The following EEFSEC variants were observed in gnomAD, a reference collection of about 807,000 sequenced individuals.
EEFSEC encodes eukaryotic elongation factor, selenocysteine-tRNA specific.
A neutral mutation model predicts 42.1 loss-of-function variants in EEFSEC; 43 were observed. That is an observed-to-expected ratio of 1.02 (90% CI 0.80 to 1.32). The LOEUF is 1.32. EEFSEC is among the 40% of genes most tolerant of loss of function. The pLI is 0.00. For synonymous variants in EEFSEC, 354 were observed against 339.1 expected (o/e 1.04, Z -0.48); for missense variants, 745 against 803.6 (o/e 0.93, Z 0.88).
chr3:128,374,450 G>C (rs529023178), intron 6 of EEFSEC, among the ~76,000 whole-genome samples: 1 of 152,222 alleles, frequency 6.6e-6, no homozygotes, highest in South Asian at 2.1e-4. Flanking sequence ...ATCAACCTTT[G>C]AGTGTGGGCC....
At chr3:128,367,086 C>T (rs1368965357) in intron 6 of EEFSEC, among the ~76,000 whole-genome samples, 1 of 152,170 alleles carries the variant, frequency 6.6e-6, no homozygotes, top group Non-Finnish European at 1.5e-5. Context: ...TGTCTGTGTC[C>T]CAACCTCTAT....
rs1465492780 is a variant in EEFSEC at position 128,262,159 on chromosome 3, G to T, written c.556G>T (p.Ala186Ser). 1 of 1,614,140 alleles carries T rather than the reference G, an allele frequency of 6.2e-7. No individual in the cohort carries two copies. Among genetic ancestry groups the T allele is most frequent in the South Asian group, 1.1e-5 (1 of 91,076 alleles). The change falls in exon 3 of 7, where the codon GCC (alanine) becomes TCC (serine). Residue 186 changes from alanine to serine, a missense_variant. By Grantham distance (99) the Ala-to-Ser change is moderately conservative (BLOSUM62 1). Transcript: ENST00000254730. ...FRGAPIIPVA[A>S]KPGGPEAPET... ...AGGTGCACCGATTATACCCGTGGCG[G>T]CCAAGCCGGGGGGACCAGAGGCCCC... is the stretch of plus-strand genomic sequence containing the variant.
intron 5 of EEFSEC, among the ~76,000 whole-genome samples, chr3:128,355,293 T>C (rs1347415887): frequency 6.6e-6 from 1 of 152,022 alleles, no homozygotes; most frequent in Non-Finnish European, 1.5e-5. Flanking sequence ...GCCTCAGTCC[T>C]GGGGGCCAAG....
rs998372279 is a variant in EEFSEC, at chr3:128,386,771, C to A, written c.1601-21298C>A. 5.9e-5 allele frequency among the ~76,000 whole-genome samples: 9 copies of A among 152,092 alleles called. 1 individual carries two copies. The highest frequency in any genetic ancestry group is 6.3e-3 in the Middle Eastern group (2 of 316). Reference sequence around the variant, plus strand: ...GGAGCAAGAGAGTGAGGAGGAGGTGCCAGGCTCCTTTAAACAACCGGCTCT... The same window carrying A: ...GGAGCAAGAGAGTGAGGAGGAGGTGACAGGCTCCTTTAAACAACCGGCTCT... On this transcript the variant is annotated intron_variant, in intron 6 of 6. Transcript: ENST00000254730.
chr3:128,213,313 C>A (rs374772549), intron 1 of EEFSEC, among the ~76,000 whole-genome samples: 1 of 152,138 alleles, frequency 6.6e-6, no homozygotes, highest in African/African-American at 2.4e-5. Context: ...TTAGCTGTGA[C>A]GGGAAGAAAG....
chr3:128,383,833 C>G (rs2067806928), intron 6 of EEFSEC, among the ~76,000 whole-genome samples: 1 of 152,226 alleles, frequency 6.6e-6, no homozygotes, highest in South Asian at 2.1e-4. Context: ...GTAAAAGCAG[C>G]AGCACATGAG....
intron 1 of EEFSEC, among the ~76,000 whole-genome samples, chr3:128,168,964 C>T (rs1230350370): frequency 6.6e-6 from 1 of 152,198 alleles, no homozygotes; most frequent in Non-Finnish European, 1.5e-5. Context: ...ATTCAACAAA[C>T]TCCGAGCAAC....
At chr3:128,274,155 G>A (rs896978392) in intron 4 of EEFSEC, among the ~76,000 whole-genome samples, 1 of 152,200 alleles carries the variant, frequency 6.6e-6, no homozygotes, top group Non-Finnish European at 1.5e-5. Flanking sequence ...CAGCTGAGGG[G>A]CAGTGTTACA....
At chr3:128,387,835 G>T (rs949042363) in intron 6 of EEFSEC, among the ~76,000 whole-genome samples, 3 of 152,230 alleles carry the variant, frequency 2.0e-5, no homozygotes, top group Non-Finnish European at 2.9e-5. Context: ...CATGTTTGGA[G>T]CCCTGGCAGC....
chr3:128,284,932 A>G (rs2066567682), intron 4 of EEFSEC, among the ~76,000 whole-genome samples: 1 of 150,610 alleles, frequency 6.6e-6, no homozygotes, highest in African/African-American at 2.4e-5. Context: ...TTAATGCAAT[A>G]TGTAAGGAGA....
intron 1 of EEFSEC, among the ~76,000 whole-genome samples, chr3:128,203,670 A>G (rs761855817): frequency 2.0e-5 from 3 of 152,244 alleles, no homozygotes; most frequent in Non-Finnish European, 2.9e-5. Context: ...CCCAGGCAGT[A>G]TCTACCTTTT....
Position 128,198,055 on chromosome 3 carries a change from G to A in EEFSEC, c.316+44232G>A, listed in dbSNP as rs142370155. 2.6e-3 allele frequency among the ~76,000 whole-genome samples: 391 copies of A among 152,154 alleles called. 3 individuals carry two copies. The highest frequency in any genetic ancestry group is 9.0e-3 in the African/African-American group (372 of 41,500). Reference sequence around the variant, plus strand: ...TGTGCAGTTCCGAGCTCAGGGATACGTGGGTCCAAGACTTTCTGAATGTAC... The same window carrying A: ...TGTGCAGTTCCGAGCTCAGGGATACATGGGTCCAAGACTTTCTGAATGTAC... On this transcript the variant is annotated intron_variant, in intron 1 of 6. Transcript: ENST00000254730.
intron 5 of EEFSEC, among the ~76,000 whole-genome samples, chr3:128,357,712 C>T (rs1249214791): frequency 2.6e-5 from 4 of 152,076 alleles, no homozygotes; most frequent in African/African-American, 9.7e-5. Flanking sequence ...TGGATGCAGG[C>T]TCAGGAGCGG....
intron 4 of EEFSEC, among the ~76,000 whole-genome samples, chr3:128,311,408 A>T (rs140506499): frequency 6.6e-6 from 1 of 152,336 alleles, no homozygotes; most frequent in Non-Finnish European, 1.5e-5. Flanking sequence ...TCCTGTAGGG[A>T]AGGAGGGAAG....
At chr3:128,289,287 AAGACCTGG>A (rs1347467063) in intron 4 of EEFSEC, among the ~76,000 whole-genome samples, 1 of 152,230 alleles carries the variant, frequency 6.6e-6, no homozygotes, top group African/African-American at 2.4e-5. Context: ...CCAGTTTACC[AAGACCTGG>A]AGGCCACCAC....
chr3:128,247,123 T>TG, intron 2 of EEFSEC, 80 bp downstream of exon 2: 2 of 1,457,586 alleles, frequency 1.4e-6, no homozygotes, highest in African/African-American at 2.8e-5. Flanking sequence ...AAACATGAAT[T>TG]GGACAGGCAG....
chr3:128,252,526 C>T (rs1214438230), intron 2 of EEFSEC, among the ~76,000 whole-genome samples: 1 of 152,098 alleles, frequency 6.6e-6, no homozygotes, highest in African/African-American at 2.4e-5. Flanking sequence ...ATGCATAGTT[C>T]GTGGAATCAG....
At chr3:128,191,961 G>A (rs1337425193) in intron 1 of EEFSEC, among the ~76,000 whole-genome samples, 1 of 152,020 alleles carries the variant, frequency 6.6e-6, no homozygotes, top group East Asian at 1.9e-4. Flanking sequence ...CAAGTCCTTC[G>A]AGAATTCCTA....
intron 1 of EEFSEC, among the ~76,000 whole-genome samples, chr3:128,198,780 A>G (rs1009979027): frequency 1.3e-5 from 2 of 152,082 alleles, no homozygotes; most frequent in African/African-American, 4.8e-5. Context: ...TCTGAAGGCC[A>G]GGAAGGAGAC....
Sources: gnomAD v4.1 joint callset for allele counts (sites outside exome capture counted in the v4.1 genomes callset) on GRCh38, gnomAD v4.1.1 for gene constraint, MANE v1.5 for transcripts, NCBI Gene and HGNC (gene_info 2026-07-23, HGNC 2026-07-21) for gene names.